LRRC7: variants seen among roughly 807,000 people sequenced by gnomAD.
LRRC7 encodes leucine-rich repeat-containing protein 7.
LRRC7 carries 23 observed loss-of-function variants against 175.7 expected under a neutral mutation model. The ratio of observed to expected loss-of-function variants is 0.13; its 90% CI spans 0.09 to 0.19. The LOEUF is 0.19. Among genes scored for constraint, LRRC7 ranks in the 10% least tolerant of loss-of-function variants. The pLI, the probability that LRRC7 is intolerant of heterozygous loss-of-function variation, is 1.00. For synonymous variants in LRRC7, 685 were observed against 680.9 expected, an observed-to-expected ratio of 1.01 and a Z score of -0.09; for missense variants, 1,354 against 1,904.7, an observed-to-expected ratio of 0.71 and a Z score of 5.38.
intron 10 of LRRC7, among the ~76,000 whole-genome samples, chr1:69,988,709 C>T (rs914608302): frequency 1.3e-5 from 2 of 152,090 alleles, no homozygotes; most frequent in African/African-American, 2.4e-5. Flanking sequence ...AAATTCACTG[C>T]GGAAAACTAT....
chr1:69,737,630 T>A (rs537623994), intron 2 of LRRC7, among the ~76,000 whole-genome samples: 29 of 152,188 alleles, frequency 1.9e-4, no homozygotes, highest in African/African-American at 7.0e-4. Context: ...ATTCCCTGCT[T>A]TCCCAGAATT....
At chr1:69,790,522 T>C (rs1674984808) in intron 3 of LRRC7, among the ~76,000 whole-genome samples, 1 of 152,036 alleles carries the variant, frequency 6.6e-6, no homozygotes, top group Admixed American at 6.5e-5. Flanking sequence ...AATGGTTATA[T>C]AATAGTGATC....
intron 2 of LRRC7, among the ~76,000 whole-genome samples, chr1:69,752,682 G>A (rs1411190936): frequency 1.3e-5 from 2 of 152,088 alleles, no homozygotes; most frequent in Non-Finnish European, 2.9e-5. Context: ...CTGTGGGAGA[G>A]TATTGAAAAG....
chr1:69,647,540 A>T (rs1229609087), intron 1 of LRRC7, among the ~76,000 whole-genome samples: 1 of 152,118 alleles, frequency 6.6e-6, no homozygotes, highest in East Asian at 1.9e-4. Flanking sequence ...TTTATTTTGT[A>T]TCTAATGTTT....
chr1:69,687,362 T>C (rs1661279525), intron 2 of LRRC7, among the ~76,000 whole-genome samples: 1 of 151,518 alleles, frequency 6.6e-6, no homozygotes, highest in Non-Finnish European at 1.5e-5. Context: ...ACAAAAAAAT[T>C]AGCTGGGTGT....
chr1:69,683,833 G>T (rs1468494174), intron 2 of LRRC7, among the ~76,000 whole-genome samples: 3 of 151,894 alleles, frequency 2.0e-5, no homozygotes, highest in Non-Finnish European at 4.4e-5. Context: ...AATCTTTACT[G>T]GAGTCAATAG....
chr1:70,031,915 C>T (rs751744857), intron 18 of LRRC7, among the ~76,000 whole-genome samples: 3 of 152,106 alleles, frequency 2.0e-5, no homozygotes, highest in Non-Finnish European at 4.4e-5. Context: ...TCTCCTGCCT[C>T]AGCCTCCTGA....
chr1:70,042,950 A>G (rs1660037703), intron 21 of LRRC7, among the ~76,000 whole-genome samples: 1 of 152,166 alleles, frequency 6.6e-6, no homozygotes, highest in Admixed American at 6.5e-5. Flanking sequence ...GCTAATGTTC[A>G]GTAATATTTG....
intron 1 of LRRC7, among the ~76,000 whole-genome samples, chr1:69,640,607 T>G (rs962536634): frequency 3.3e-5 from 5 of 150,138 alleles, no homozygotes; most frequent in African/African-American, 4.9e-5. Context: ...TTTATTTTAT[T>G]TAATATAGGA....
At chr1:69,818,399 T>C (rs1407979599) in intron 4 of LRRC7, among the ~76,000 whole-genome samples, 2 of 152,156 alleles carry the variant, frequency 1.3e-5, no homozygotes, top group Non-Finnish European at 2.9e-5. Context: ...ATTCTCTTGA[T>C]GTGGTGTATC....
At position 69,882,010 on chromosome 1, in the gene LRRC7, CAAA is replaced by C. The variant is rs34756242; in HGVS notation, c.647+43740_647+43742del. Among the ~76,000 whole-genome samples the C allele has an allele frequency of 4.7e-3, 579 of 123,052 alleles. 6 individuals carry two copies. Among genetic ancestry groups the C allele is most frequent in the African/African-American group, 0.015 (506 of 33,108 alleles). The allele number at this position is 123,052 out of a possible 152,430, so 80.7% of individuals were successfully genotyped here. A position where few individuals can be genotyped will look rare whatever the true frequency, so the allele number is the denominator to read the frequency against. On this transcript the variant is annotated intron_variant, in intron 7 of 26. Coordinates refer to ENST00000651989, the MANE Select transcript of LRRC7 (RefSeq NM_001370785.2). ...TTTAAGAGTTCATACGACTGAATAG[CAAA>C]AAAAAAAAAAAAGCAAACAAAAAAT...
At chr1:69,630,620 A>G (rs1557513825) in intron 1 of LRRC7, among the ~76,000 whole-genome samples, 1 of 151,918 alleles carries the variant, frequency 6.6e-6, no homozygotes, top group Admixed American at 6.6e-5. Flanking sequence ...TTCAGTTTCA[A>G]TTTTTTATTG....
At chr1:69,655,367 T>C (rs1656457455) in intron 1 of LRRC7, among the ~76,000 whole-genome samples, 1 of 151,680 alleles carries the variant, frequency 6.6e-6, no homozygotes, top group African/African-American at 2.4e-5. Context: ...CTTGTAGTTT[T>C]CTGCCTAGCA....
At chr1:70,090,611 A>C (rs1558060431) in intron 25 of LRRC7, among the ~76,000 whole-genome samples, 1 of 152,094 alleles carries the variant, frequency 6.6e-6, no homozygotes, top group Non-Finnish European at 1.5e-5. Flanking sequence ...ATTCAATGAT[A>C]ATTGAAGCTA....
chr1:69,889,355 A>G (rs12725427), intron 7 of LRRC7, among the ~76,000 whole-genome samples: 62,709 of 152,082 alleles, frequency 0.41, 13,711 homozygotes, highest in East Asian at 0.55. Context: ...ATGCTATTTG[A>G]TAGCATTTTA....
chr1:69,793,419 A>C (rs1040531296), intron 4 of LRRC7, among the ~76,000 whole-genome samples: 1 of 152,056 alleles, frequency 6.6e-6, no homozygotes, highest in African/African-American at 2.4e-5. Context: ...TAAATTTCCT[A>C]AGAAATTTGG....
At chr1:69,809,364 A>T (rs1382349948) in intron 4 of LRRC7, among the ~76,000 whole-genome samples, 2 of 152,194 alleles carry the variant, frequency 1.3e-5, no homozygotes, top group Admixed American at 6.6e-5. Flanking sequence ...AGCTGGTACC[A>T]TTCCTTCTGA....
At chr1:69,764,022 G>A (rs1427383662) in intron 3 of LRRC7, among the ~76,000 whole-genome samples, 1 of 151,856 alleles carries the variant, frequency 6.6e-6, no homozygotes, top group Non-Finnish European at 1.5e-5. Flanking sequence ...AAGGTAAAAG[G>A]CATTAGGGAA....
At chr1:69,664,438 A>C (rs1322140716) in intron 1 of LRRC7, among the ~76,000 whole-genome samples, 1 of 151,780 alleles carries the variant, frequency 6.6e-6, no homozygotes, top group Non-Finnish European at 1.5e-5. Context: ...GTGTACGAGG[A>C]CTCCCATTTC....
Sources: gnomAD v4.1 joint callset for allele counts (sites outside exome capture counted in the v4.1 genomes callset) on GRCh38, gnomAD v4.1.1 for gene constraint, MANE v1.5 for transcripts, NCBI Gene and HGNC (gene_info 2026-07-23, HGNC 2026-07-21) for gene names.